Variants in PLXNA4 observed in about 807,000 individuals in gnomAD.
PLXNA4 encodes the protein plexin A4.
PLXNA4 carries 44 observed loss-of-function variants against 191.8 expected under a neutral mutation model. The ratio of observed to expected loss-of-function variants is 0.23; its 90% CI spans 0.18 to 0.29. The LOEUF (loss-of-function observed/expected upper bound fraction) is 0.29. Ranked by LOEUF, PLXNA4 falls within the 10% of genes least tolerant of loss-of-function variation. The pLI is 1.00. For synonymous variants in PLXNA4, 1,082 were observed against 1,009.5 expected (o/e 1.07, Z -1.36); for missense variants, 1,800 against 2,488.8 (o/e 0.72, Z 5.89).
intron 3 of PLXNA4, among the ~76,000 whole-genome samples, chr7:132,300,437 A>G (rs953748547): frequency 6.6e-6 from 1 of 152,250 alleles, no homozygotes; most frequent in African/African-American, 2.4e-5. Flanking sequence ...TTTATTTTAA[A>G]AATGAATAAA....
At chr7:132,257,365 A>G (rs777060930) in intron 4 of PLXNA4, among the ~76,000 whole-genome samples, 2 of 152,204 alleles carry the variant, frequency 1.3e-5, no homozygotes, top group East Asian at 1.9e-4. Context: ...CTCCTTCTAC[A>G]TGACACACAT....
intron 3 of PLXNA4, chr7:132,385,215 G>T (rs1279824408): frequency 6.2e-7 from 1 of 1,614,078 alleles, no homozygotes; most frequent in East Asian, 2.2e-5. Flanking sequence ...TGGAGAACAG[G>T]AGTTCCAGAG....
intron 5 of PLXNA4, among the ~76,000 whole-genome samples, chr7:132,240,222 CA>C (rs1798830660): frequency 1.3e-5 from 2 of 152,214 alleles, no homozygotes; most frequent in Non-Finnish European, 2.9e-5. Flanking sequence ...GGACTGGAAT[CA>C]AATTTCATCA....
At chr7:132,621,244 T>C (rs867479101) in intron 2 of PLXNA4, among the ~76,000 whole-genome samples, 2 of 123,694 alleles carry the variant, frequency 1.6e-5, no homozygotes, top group African/African-American at 5.6e-5. Flanking sequence ...TGGTTTTTTT[T>C]TGTTTTTTTT....
At chr7:132,605,601 G>C (rs891481654) in intron 2 of PLXNA4, among the ~76,000 whole-genome samples, 7 of 151,976 alleles carry the variant, frequency 4.6e-5, no homozygotes, top group Non-Finnish European at 1.0e-4. Context: ...AACTTGGTTT[G>C]GTTATTATTA....
At chr7:132,484,270 T>C (rs1797452799) in intron 3 of PLXNA4, among the ~76,000 whole-genome samples, 1 of 152,196 alleles carries the variant, frequency 6.6e-6, no homozygotes, top group Admixed American at 6.5e-5. Context: ...AAGATCAGTC[T>C]GAAGGGCCAG....
intron 2 of PLXNA4, among the ~76,000 whole-genome samples, chr7:132,506,403 G>A (rs775448943): frequency 2.6e-5 from 4 of 152,310 alleles, no homozygotes; most frequent in South Asian, 4.1e-4. Flanking sequence ...GTATGGATGC[G>A]TACTTCTGTC....
chr7:132,174,611 C>G (rs1415274583), intron 21 of PLXNA4, among the ~76,000 whole-genome samples, 167 bp downstream of exon 21: 1 of 152,172 alleles, frequency 6.6e-6, no homozygotes, highest in Non-Finnish European at 1.5e-5. Flanking sequence ...CTGGCTTGGC[C>G]CCACCTCTTC....
chr7:132,441,259 G>A (rs1389051657), intron 3 of PLXNA4, among the ~76,000 whole-genome samples: 1 of 152,214 alleles, frequency 6.6e-6, no homozygotes, highest in African/African-American at 2.4e-5. Context: ...AATTCGATGG[G>A]TAGGTGATTT....
intron 3 of PLXNA4, among the ~76,000 whole-genome samples, chr7:132,347,038 C>T (rs1803271752): frequency 6.6e-6 from 1 of 152,158 alleles, no homozygotes; most frequent in Admixed American, 6.5e-5. Flanking sequence ...ATGGATGTTC[C>T]TCTGATTCCA....
rs76848632 is a variant in PLXNA4 at position 132,357,230 on chromosome 7, T to C, written c.1372-59008A>G. ...GAAATGATAATCTTTGCAGGGCACA[T>C]GGAGTAAACAGAGGGGAGGCTGGAG... On this transcript the variant is annotated intron_variant, in intron 3 of 31. Coordinates refer to ENST00000321063, the MANE Select transcript of PLXNA4 (RefSeq NM_020911.2). Among the ~76,000 whole-genome samples, 1,038 of 152,296 alleles carry C rather than the reference T, an allele frequency of 6.8e-3. 16 individuals are homozygous for C. Among genetic ancestry groups the C allele is most frequent in the African/African-American group, 0.024 (990 of 41,576 alleles).
At chr7:132,169,800 C>T (rs1439318788) in intron 21 of PLXNA4, among the ~76,000 whole-genome samples, 11 of 151,956 alleles carry the variant, frequency 7.2e-5, no homozygotes, top group African/African-American at 2.4e-4. Flanking sequence ...GAAAAGTCAT[C>T]GAGCTGCACG....
At chr7:132,546,871 A>C (rs1800331661) in intron 1 of PLXNA4, among the ~76,000 whole-genome samples, 1 of 152,170 alleles carries the variant, frequency 6.6e-6, no homozygotes, top group Admixed American at 6.5e-5. Flanking sequence ...GAGGACAAAC[A>C]AGGCTTAGGA....
chr7:132,540,566 G>GTTTTTTTTTTTTT (rs1203493435), intron 1 of PLXNA4, among the ~76,000 whole-genome samples: 1 of 49,538 alleles, frequency 2.0e-5, no homozygotes, highest in African/African-American at 5.5e-5. Context: ...AGTGTGGACC[G>GTTTTTTTTTTTTT]TTCTTTTTTT....
At chr7:132,527,539 C>CAAAA (rs34598256) in intron 1 of PLXNA4, among the ~76,000 whole-genome samples, 62 of 59,584 alleles carry the variant, frequency 1.0e-3, no homozygotes, top group Non-Finnish European at 1.2e-3. Context: ...GAAACAGACT[C>CAAAA]AAAAAAAAAA....
At chr7:132,297,471 T>G (rs893460847) in intron 4 of PLXNA4, among the ~76,000 whole-genome samples, 6 of 152,128 alleles carry the variant, frequency 3.9e-5, no homozygotes, top group Non-Finnish European at 8.8e-5. Flanking sequence ...CTCAGCTCAG[T>G]TTGAGAACCA....
chr7:132,198,443 T>G (rs767391108), intron 13 of PLXNA4, 42 bp downstream of exon 13: 1 of 1,601,618 alleles, frequency 6.2e-7, no homozygotes, highest in Admixed American at 1.7e-5. Context: ...TAACCCGTCT[T>G]CCCTCCCCTG....
chr7:132,234,139 A>G (rs1424629398), intron 5 of PLXNA4, among the ~76,000 whole-genome samples: 1 of 152,150 alleles, frequency 6.6e-6, no homozygotes, highest in Admixed American at 6.5e-5. Context: ...GAGACAGCAA[A>G]GGCATCGCCA....
At chr7:132,208,457 A>T (rs1385117689) in intron 10 of PLXNA4, among the ~76,000 whole-genome samples, 1 of 152,190 alleles carries the variant, frequency 6.6e-6, no homozygotes, top group Non-Finnish European at 1.5e-5. Flanking sequence ...CCCATGGTGG[A>T]TGGAGAGGCT....
Sources: gnomAD v4.1 joint callset for allele counts (sites outside exome capture counted in the v4.1 genomes callset) on GRCh38, gnomAD v4.1.1 for gene constraint, MANE v1.5 for transcripts, NCBI Gene and HGNC (gene_info 2026-07-23, HGNC 2026-07-21) for gene names.